SLC9A9: variants seen among roughly 807,000 people sequenced by gnomAD.
SLC9A9 encodes solute carrier family 9 member A9.
In SLC9A9, 62 loss-of-function variants were observed where a neutral mutation model predicts 77.8. The observed-to-expected ratio is 0.80, with a 90% CI of 0.65 to 0.98. The LOEUF (loss-of-function observed/expected upper bound fraction) is 0.98, where lower values mean the gene tolerates loss of function less well. SLC9A9 is among the 50% of genes least tolerant of loss of function. SLC9A9 has a pLI of 0.00. For missense variants in SLC9A9, 775 were observed against 774.9 expected (o/e 1.00, Z 0.00); for synonymous variants, 320 against 283.5 (o/e 1.13, Z -1.29).
chr3:143,308,649 G>C (rs1207499287), intron 14 of SLC9A9, among the ~76,000 whole-genome samples: 1 of 152,116 alleles, frequency 6.6e-6, no homozygotes, highest in Non-Finnish European at 1.5e-5. Flanking sequence ...CTTCTGAATG[G>C]GGGTCTCTAG....
chr3:143,424,751 C>G (rs916594624), intron 12 of SLC9A9, among the ~76,000 whole-genome samples: 1 of 152,168 alleles, frequency 6.6e-6, no homozygotes, highest in South Asian at 2.1e-4. Flanking sequence ...AGAAAGAATA[C>G]AGATGCTGCC....
At chr3:143,468,703 A>C (rs1411121769) in intron 11 of SLC9A9, among the ~76,000 whole-genome samples, 1 of 152,264 alleles carries the variant, frequency 6.6e-6, no homozygotes, top group Non-Finnish European at 1.5e-5. Flanking sequence ...AAATTAAATA[A>C]TTAAATGACA....
intron 4 of SLC9A9, among the ~76,000 whole-genome samples, chr3:143,736,515 C>T (rs187503477): frequency 5.7e-4 from 87 of 152,182 alleles, no homozygotes; most frequent in African/African-American, 1.8e-3. Flanking sequence ...GTTTAGTAAA[C>T]GTTGAACAGG....
rs1332740692 is a variant in SLC9A9 at position 143,493,635 on chromosome 3, A to G, written c.1315+18T>C. On this transcript the variant is annotated intron_variant, in intron 11 of 15. Coordinates refer to ENST00000316549, the MANE Select transcript of SLC9A9 (RefSeq NM_173653.4). ...GTGAGAAAACCAGCAGCACTAACAT[A>G]TAACATAGTTCACATACCTGAAAAC... 2 of 1,599,240 alleles carry G rather than the reference A, an allele frequency of 1.3e-6. No individual in the cohort carries two copies. The highest frequency in any genetic ancestry group is 1.7e-6 in the Non-Finnish European group (2 of 1,166,484).
intron 5 of SLC9A9, among the ~76,000 whole-genome samples, chr3:143,656,882 G>A (rs957953269): frequency 2.0e-5 from 3 of 152,074 alleles, no homozygotes; most frequent in African/African-American, 7.2e-5. Flanking sequence ...CATAAACGAG[G>A]TAGCATTTTT....
chr3:143,705,005 ATCTATCTATCTATCTATCTATCTATC>A (rs1933923016), intron 4 of SLC9A9, among the ~76,000 whole-genome samples: 1 of 137,254 alleles, frequency 7.3e-6, no homozygotes, highest in Non-Finnish European at 1.5e-5. Flanking sequence ...ATATCTATCT[ATCTATCTATCTATCTATCTATCTATC>A]TATCTATCTA....
At chr3:143,403,296 C>T (rs2033903551) in intron 12 of SLC9A9, among the ~76,000 whole-genome samples, 1 of 152,108 alleles carries the variant, frequency 6.6e-6, no homozygotes, top group Admixed American at 6.5e-5. Context: ...TTCCTTTCCT[C>T]ACTCCTCATT....
At chr3:143,538,440 A>G (rs760177184) in intron 9 of SLC9A9, among the ~76,000 whole-genome samples, 5 of 152,234 alleles carry the variant, frequency 3.3e-5, no homozygotes, top group Non-Finnish European at 5.9e-5. Flanking sequence ...CAGTGTCGTA[A>G]TAATGGATCA....
intron 6 of SLC9A9, among the ~76,000 whole-genome samples, chr3:143,640,962 C>T (rs73152842): frequency 0.031 from 4,690 of 152,270 alleles, 106 homozygotes; most frequent in Middle Eastern, 0.088. Context: ...CACAGCATAA[C>T]AACAGCTGAC....
intron 12 of SLC9A9, among the ~76,000 whole-genome samples, chr3:143,407,280 A>G (rs1338358699): frequency 1.3e-5 from 2 of 152,234 alleles, no homozygotes; most frequent in African/African-American, 2.4e-5. Context: ...TTATTAGACA[A>G]TATGAGAAGA....
At chr3:143,440,844 A>G (rs1168212184) in intron 12 of SLC9A9, among the ~76,000 whole-genome samples, 2 of 152,212 alleles carry the variant, frequency 1.3e-5, no homozygotes, top group Non-Finnish European at 2.9e-5. Context: ...CAAGCCTGGC[A>G]TAACTTTGGG....
At chr3:143,518,119 G>A in intron 9 of SLC9A9, 3 of 1,598,138 alleles carry the variant, frequency 1.9e-6, no homozygotes, top group Non-Finnish European at 8.5e-7. Flanking sequence ...TACCTCCCAT[G>A]CTCTCCACCC....
At chr3:143,595,404 C>T (rs774040231) in intron 6 of SLC9A9, among the ~76,000 whole-genome samples, 1 of 152,198 alleles carries the variant, frequency 6.6e-6, no homozygotes, top group African/African-American at 2.4e-5. Flanking sequence ...CAGGGAAATG[C>T]TTTGACTTCT....
intron 12 of SLC9A9, among the ~76,000 whole-genome samples, chr3:143,390,735 T>C (rs1361171292): frequency 2.6e-5 from 4 of 152,058 alleles, no homozygotes; most frequent in Admixed American, 6.5e-5. Context: ...ACCTGGAAAA[T>C]TGGGTCACTC....
intron 14 of SLC9A9, among the ~76,000 whole-genome samples, chr3:143,337,025 T>C (rs568839922): frequency 2.6e-4 from 40 of 152,288 alleles, no homozygotes; most frequent in African/African-American, 7.9e-4. Context: ...TTCCTTTTAT[T>C]TGTAAAACTC....
At chr3:143,654,863 C>T (rs527741786) in intron 5 of SLC9A9, among the ~76,000 whole-genome samples, 8 of 152,278 alleles carry the variant, frequency 5.3e-5, no homozygotes, top group South Asian at 4.1e-4. Context: ...ACCTGTCTAA[C>T]GAAAGCTTTG....
chr3:143,721,024 C>A (rs1349524385), intron 4 of SLC9A9, among the ~76,000 whole-genome samples: 2 of 152,188 alleles, frequency 1.3e-5, no homozygotes, highest in African/African-American at 4.8e-5. Flanking sequence ...GCCTAGGCAA[C>A]ATAGTGAGAC....
intron 12 of SLC9A9, among the ~76,000 whole-genome samples, chr3:143,408,612 G>T (rs115411236): frequency 6.6e-6 from 1 of 152,150 alleles, no homozygotes; most frequent in East Asian, 1.9e-4. Flanking sequence ...TAAGCTATGC[G>T]AAATTCTCCA....
intron 1 of SLC9A9, among the ~76,000 whole-genome samples, chr3:143,844,745 CTTTCTTTCTTTCTTT>C (rs2108900721): frequency 6.8e-6 from 1 of 146,068 alleles, no homozygotes; most frequent in South Asian, 2.3e-4. Context: ...TTCTTTCTTT[CTTTCTTTCTTTCTTT>C]CTTTCTTTCT....
Sources: allele counts gnomAD v4.1 joint callset (sites outside exome capture counted in the v4.1 genomes callset), GRCh38; gene constraint gnomAD v4.1.1; transcripts MANE v1.5; gene names NCBI Gene and HGNC (gene_info 2026-07-23, HGNC 2026-07-21).